The following RPH3A variants were observed in gnomAD, a reference collection of about 807,000 sequenced individuals.
The protein encoded by RPH3A is rabphilin 3A, also known as rabphilin-3A.
In RPH3A, 48 loss-of-function variants were observed where a neutral mutation model predicts 102.2. That is an observed-to-expected ratio of 0.47 (90% CI 0.37 to 0.60). RPH3A has a LOEUF of 0.60. RPH3A is among the 20% of genes least tolerant of loss of function. RPH3A has a pLI of 0.00. For synonymous variants in RPH3A, 310 were observed against 324.3 expected, an observed-to-expected ratio of 0.96 and a Z score of 0.47; for missense variants, 781 against 910.1, an observed-to-expected ratio of 0.86 and a Z score of 1.83.
chr12:112,895,512 T>C (rs2043165502), intron 20 of RPH3A: 1 of 399,788 alleles, frequency 2.5e-6, no homozygotes, highest in Admixed American at 3.4e-5. Context: ...ACTTGAGCTC[T>C]ATTAGAAAAA....
chr12:112,765,381 T>C (rs1002444006), intron 1 of RPH3A, among the ~76,000 whole-genome samples: 39 of 152,238 alleles, frequency 2.6e-4, no homozygotes, highest in African/African-American at 9.4e-4. Flanking sequence ...TTGTGAGTTA[T>C]TTTTGCCCAC....
intron 1 of RPH3A, among the ~76,000 whole-genome samples, chr12:112,770,892 G>A (rs915105066): frequency 2.0e-5 from 3 of 151,932 alleles, no homozygotes; most frequent in Non-Finnish European, 4.4e-5. Context: ...TTCAGTGAAT[G>A]TGTTTGTTTG....
intron 1 of RPH3A, among the ~76,000 whole-genome samples, chr12:112,755,294 T>TAC (rs1491406486): frequency 4.1e-5 from 4 of 96,700 alleles, no homozygotes; most frequent in African/African-American, 2.3e-4. Context: ...TATATATATG[T>TAC]ATATACACAC....
chr12:112,766,220 A>G (rs2040887567), intron 1 of RPH3A, among the ~76,000 whole-genome samples: 1 of 152,176 alleles, frequency 6.6e-6, no homozygotes, highest in Non-Finnish European at 1.5e-5. Context: ...TTCCATACTC[A>G]TGTTGTATGG....
chr12:112,642,179 G>T (rs1012646376), intron 1 of RPH3A, among the ~76,000 whole-genome samples: 1 of 152,104 alleles, frequency 6.6e-6, no homozygotes, highest in Non-Finnish European at 1.5e-5. Flanking sequence ...TGTAATTCCG[G>T]CAACTACCAT....
intron 1 of RPH3A, among the ~76,000 whole-genome samples, chr12:112,746,143 T>C (rs1213472986): frequency 6.6e-6 from 1 of 152,138 alleles, no homozygotes; most frequent in Admixed American, 6.5e-5. Flanking sequence ...CTTCTTACCT[T>C]CTTTCATCCC....
intron 1 of RPH3A, among the ~76,000 whole-genome samples, chr12:112,777,714 G>C (rs1238755317): frequency 6.6e-6 from 1 of 152,216 alleles, no homozygotes; most frequent in African/African-American, 2.4e-5. Context: ...AACATGAATA[G>C]GATATTGTTT....
chr12:112,894,406 G>A (rs568659343), intron 19 of RPH3A, 172 bp from the exon 20 acceptor site: 1 of 646,940 alleles, frequency 1.5e-6, no homozygotes, highest in South Asian at 1.9e-5. Flanking sequence ...AAGTTGCTCA[G>A]TCAAGTGCCT....
chr12:112,814,525 A>G (rs948410001), intron 2 of RPH3A, among the ~76,000 whole-genome samples: 6 of 152,192 alleles, frequency 3.9e-5, no homozygotes, highest in Admixed American at 2.6e-4. Flanking sequence ...ATCTCACGCC[A>G]GATTCTCTCT....
At chr12:112,758,689 A>G (rs2040836057) in intron 1 of RPH3A, among the ~76,000 whole-genome samples, 1 of 152,188 alleles carries the variant, frequency 6.6e-6, no homozygotes, top group Non-Finnish European at 1.5e-5. Context: ...TGGGCTTTCA[A>G]CCTAGTTCTG....
intron 1 of RPH3A, among the ~76,000 whole-genome samples, chr12:112,579,143 C>T (rs911451227): frequency 1.3e-5 from 2 of 152,124 alleles, no homozygotes; most frequent in Admixed American, 1.3e-4. Flanking sequence ...GAAGGAATGC[C>T]TGCCCTGGTA....
chr12:112,850,111 G>C (rs2042298807), intron 5 of RPH3A, among the ~76,000 whole-genome samples: 1 of 152,174 alleles, frequency 6.6e-6, no homozygotes, highest in Non-Finnish European at 1.5e-5. Context: ...CAGTCAGGGA[G>C]ATCTGGGTCC....
At chr12:112,595,755 T>C (rs1157379918) in intron 1 of RPH3A, among the ~76,000 whole-genome samples, 1 of 152,220 alleles carries the variant, frequency 6.6e-6, no homozygotes, top group East Asian at 1.9e-4. Flanking sequence ...ATACTCTTAG[T>C]GCATATGTGG....
intron 1 of RPH3A, among the ~76,000 whole-genome samples, chr12:112,601,957 C>G (rs1398426676): frequency 1.3e-5 from 2 of 151,974 alleles, no homozygotes; most frequent in African/African-American, 4.8e-5. Context: ...ATAAACAAAC[C>G]AGCCAAATAG....
At chr12:112,868,866 T>C (rs1437636038) in intron 8 of RPH3A, 3 of 334,258 alleles carry the variant, frequency 9.0e-6, no homozygotes, top group Non-Finnish European at 1.6e-5. Flanking sequence ...AGGTGGAAAT[T>C]AAAATTAGGA....
intron 1 of RPH3A, among the ~76,000 whole-genome samples, chr12:112,594,225 C>G (rs1200695271): frequency 6.6e-6 from 1 of 152,104 alleles, no homozygotes; most frequent in Non-Finnish European, 1.5e-5. Context: ...CTCTAGCATT[C>G]CACAATTATT....
intron 1 of RPH3A, among the ~76,000 whole-genome samples, chr12:112,782,631 T>C (rs1010360665): frequency 1.3e-5 from 2 of 152,232 alleles, no homozygotes; most frequent in East Asian, 3.8e-4. Context: ...GAAGGGACTT[T>C]TCAGTATTTC....
intron 1 of RPH3A, among the ~76,000 whole-genome samples, chr12:112,701,210 C>G (rs1241992624): frequency 6.6e-6 from 1 of 151,892 alleles, no homozygotes; most frequent in Admixed American, 6.6e-5. Flanking sequence ...GAGATGGAGT[C>G]GAGAGTATAG....
intron 1 of RPH3A, among the ~76,000 whole-genome samples, chr12:112,696,131 C>A (rs547147798): frequency 6.6e-6 from 1 of 152,326 alleles, no homozygotes; most frequent in African/African-American, 2.4e-5. Context: ...ATAGTGGCCT[C>A]CAGCTCCATC....
Sources: gnomAD v4.1 joint callset for allele counts (sites outside exome capture counted in the v4.1 genomes callset) on GRCh38, gnomAD v4.1.1 for gene constraint, MANE v1.5 for transcripts, NCBI Gene and HGNC (gene_info 2026-07-23, HGNC 2026-07-21) for gene names.